Variants in MKNK1 observed in about 807,000 individuals in gnomAD.
The protein encoded by MKNK1 is MAPK interacting serine/threonine kinase 1.
Under a neutral mutation model 49.3 loss-of-function variants are expected in MKNK1, and 30 were observed. That is an observed-to-expected ratio of 0.61 (90% CI 0.46 to 0.83). The LOEUF (loss-of-function observed/expected upper bound fraction) is 0.83. Ranked by LOEUF, MKNK1 falls within the 40% of genes least tolerant of loss-of-function variation. The pLI, the probability that MKNK1 is intolerant of heterozygous loss-of-function variation, is 0.00. For synonymous variants in MKNK1, 176 were observed against 201.7 expected (o/e 0.87, Z 1.08); for missense variants, 423 against 524.7 (o/e 0.81, Z 1.89).
chr1:46,567,534 C>T (rs1424080357), intron 8 of MKNK1, among the ~76,000 whole-genome samples: 25 of 152,134 alleles, frequency 1.6e-4, no homozygotes, highest in Non-Finnish European at 1.5e-5. Context: ...TAAAGGTCTA[C>T]GACAGAATCA....
intron 12 of MKNK1, among the ~76,000 whole-genome samples, chr1:46,559,404 C>A (rs1208188263): frequency 6.6e-6 from 1 of 152,162 alleles, no homozygotes; most frequent in African/African-American, 2.4e-5. Context: ...TAAAAGCTGG[C>A]CATGAGGCTG....
chr1:46,582,640 A>G (rs1671913256), intron 3 of MKNK1, among the ~76,000 whole-genome samples: 1 of 152,256 alleles, frequency 6.6e-6, no homozygotes, highest in Non-Finnish European at 1.5e-5. Flanking sequence ...ACCCCATCAC[A>G]TGCCCAGTGA....
At chr1:46,561,209 C>T (rs182479280) in intron 11 of MKNK1, among the ~76,000 whole-genome samples, 6 of 152,304 alleles carry the variant, frequency 3.9e-5, no homozygotes, top group East Asian at 1.9e-4. Context: ...AGGATGCTTG[C>T]GGGGCTGGGT....
At chr1:46,575,285 C>T (rs965800811) in intron 5 of MKNK1, 5 of 369,012 alleles carry the variant, frequency 1.4e-5, no homozygotes, top group Admixed American at 8.8e-5. Flanking sequence ...CTAAAACCCA[C>T]TAGGTAGAGT....
At chr1:46,602,833 T>C (rs1187415967) in intron 1 of MKNK1, among the ~76,000 whole-genome samples, 1 of 152,140 alleles carries the variant, frequency 6.6e-6, no homozygotes, top group African/African-American at 2.4e-5. Context: ...AGGGCACCCA[T>C]GAAGAGGATG....
chr1:46,582,926 G>C, intron 3 of MKNK1: 1 of 552,248 alleles, frequency 1.8e-6, no homozygotes, highest in Non-Finnish European at 3.4e-6. Flanking sequence ...AATCACATCT[G>C]AAAAAAGGAA....
intron 2 of MKNK1, among the ~76,000 whole-genome samples, chr1:46,585,314 A>C (rs1672392366): frequency 1.5e-5 from 2 of 137,052 alleles, no homozygotes; most frequent in Non-Finnish European, 3.2e-5. Flanking sequence ...TCAGCACCTC[A>C]ACACCCACCC....
chr1:46,576,619 C>G lies in MKNK1; in HGVS notation c.234G>C (p.Arg78Ser), dbSNP rs1671003606. The G allele has an allele frequency of 2.5e-6, 4 of 1,613,998 alleles. No individual in the cohort carries two copies. The highest frequency in any genetic ancestry group is 3.4e-6 in the Non-Finnish European group (4 of 1,180,012). Residue 78 changes from arginine (R) to serine (S), a missense_variant, in exon 5 of 13, where the codon AGG (arginine) becomes AGC (serine). Physicochemically the swap from Arg to Ser is moderately radical, Grantham distance 110. Transcript: ENST00000371945. ...ACAGCGTCTCCACCTCTCGAAACAC[C>G]CTACTCCGACTGTGCCCTGCTTGTT... ...IEKQAGHSRS[R>S]VFREVETLYQ...
chr1:46,577,829 C>T (rs1213110277), intron 4 of MKNK1, among the ~76,000 whole-genome samples: 1 of 152,266 alleles, frequency 6.6e-6, no homozygotes, highest in Non-Finnish European at 1.5e-5. Context: ...GAGCCTCAAA[C>T]CACTGCACAC....
intron 2 of MKNK1, 24 bp downstream of exon 2, chr1:46,594,089 A>G: frequency 6.4e-7 from 1 of 1,559,520 alleles, no homozygotes; most frequent in South Asian, 1.1e-5. Flanking sequence ...TAAAAGGATA[A>G]CTAAAATGTA....
chr1:46,558,451 T>A lies in MKNK1; in HGVS notation c.*124A>T. The A allele has an allele frequency of 5.9e-6, 6 of 1,009,992 alleles. No individual in the cohort carries two copies. The South Asian group carries it at 1.1e-4, about 18-fold the overall frequency. 62.6% of individuals were successfully genotyped at this position (1,009,992 alleles called of 1,614,324 possible). ...ATGGGAACCTCAGGGCCTTCGTAGA[T>A]GAAAAAGCCTGAATGGAGCCACAGA... On this transcript the variant is annotated 3_prime_UTR_variant, in exon 13 of 13. Transcript: ENST00000371945.
chr1:46,599,708 A>T (rs1461309224), intron 1 of MKNK1, among the ~76,000 whole-genome samples: 5 of 152,226 alleles, frequency 3.3e-5, no homozygotes, highest in African/African-American at 1.2e-4. Context: ...TGAACTCAGC[A>T]CTGCTAGTTT....
chr1:46,559,875 C>T lies in MKNK1; in HGVS notation c.1013+359G>A, dbSNP rs1667628577. ...CGTCTAGTACCGTACGTGCCCCTCACTTCTGCTCCTTTCATTAAATACAAG... is the reference window on the plus strand; with the variant it reads ...CGTCTAGTACCGTACGTGCCCCTCATTTCTGCTCCTTTCATTAAATACAAG... On this transcript the variant is annotated intron_variant, in intron 12 of 12. Transcript: ENST00000371945. The T allele has an allele frequency of 3.9e-5, 14 of 359,584 alleles. No individual in the cohort carries two copies. The South Asian group carries it at 4.2e-4, about 11-fold the overall frequency. 22.3% of individuals were successfully genotyped at this position (359,584 alleles called of 1,614,324 possible). A position where few individuals can be genotyped will look rare whatever the true frequency, so the allele number is the denominator to read the frequency against.
At chr1:46,578,712 A>T (rs1033216860) in intron 4 of MKNK1, among the ~76,000 whole-genome samples, 3 of 148,852 alleles carry the variant, frequency 2.0e-5, no homozygotes, top group African/African-American at 7.5e-5. Flanking sequence ...TCAGCCTCCC[A>T]GGTAGCTGGA....
chr1:46,569,568 A>G (rs947234800), intron 7 of MKNK1: 6 of 152,236 alleles, frequency 3.9e-5, no homozygotes, highest in Non-Finnish European at 8.8e-5. Flanking sequence ...CTGCTTCACT[A>G]AAACTCCGTC....
intron 11 of MKNK1, among the ~76,000 whole-genome samples, chr1:46,560,659 A>G (rs1267555579): frequency 6.6e-6 from 1 of 152,204 alleles, no homozygotes; most frequent in East Asian, 1.9e-4. Flanking sequence ...AGCACTTTTC[A>G]GAAGCCTTTA....
At chr1:46,593,261 C>T (rs1404763091) in intron 2 of MKNK1, among the ~76,000 whole-genome samples, 3 of 152,194 alleles carry the variant, frequency 2.0e-5, no homozygotes, top group Non-Finnish European at 4.4e-5. Context: ...TGCAGTGGCA[C>T]AATCTCGGCT....
Position 46,558,380 on chromosome 1 carries a change from T to A in MKNK1, c.*195A>T. On this transcript the variant is annotated 3_prime_UTR_variant, in exon 13 of 13. Coordinates refer to ENST00000371945, the MANE Select transcript of MKNK1 (RefSeq NM_001135553.4). ...TGCTTTCCTTTTCAAAGACAACCCC[T>A]TTGGAAAAAGCTTTTTCCTCCAGGA... 1 of 567,792 alleles carries A rather than the reference T, an allele frequency of 1.8e-6. No individual in the cohort carries two copies. The highest frequency in any genetic ancestry group is 3.0e-6 in the Non-Finnish European group (1 of 331,326). The allele number at this position is 567,792 out of a possible 1,614,324, so 35.2% of individuals were successfully genotyped here. A position where few individuals can be genotyped will look rare whatever the true frequency, so the allele number is the denominator to read the frequency against.
In MKNK1 at chr1:46,564,875, G is replaced by T. The variant is rs533389604; in HGVS notation, c.609+166C>A. 4.5e-3 allele frequency among the ~76,000 whole-genome samples: 691 copies of T among 152,242 alleles called. 4 individuals carry two copies. Among genetic ancestry groups the T allele is most frequent in the Non-Finnish European group, 6.8e-3 (460 of 68,014 alleles). On this transcript the variant is annotated intron_variant, in intron 9 of 12. Coordinates refer to ENST00000371945, the MANE Select transcript of MKNK1 (RefSeq NM_001135553.4). ...TTTCGTTAGCAACTAAGGGGTCAGG[G>T]GAGGCTTGAGAGCCACGAACACAGA...
Sources: gnomAD v4.1 joint callset for allele counts (sites outside exome capture counted in the v4.1 genomes callset) on GRCh38, gnomAD v4.1.1 for gene constraint, MANE v1.5 for transcripts, NCBI Gene and HGNC (gene_info 2026-07-23, HGNC 2026-07-21) for gene names.